TGM3: variants seen among roughly 807,000 people sequenced by gnomAD.
The protein encoded by TGM3 is transglutaminase 3, also known as protein-glutamine gamma-glutamyltransferase E.
TGM3 carries 52 observed loss-of-function variants against 73.8 expected under a neutral mutation model. That is an observed-to-expected ratio of 0.70 (90% CI 0.56 to 0.89). The LOEUF is 0.89. TGM3 is among the 40% of genes least tolerant of loss of function. The probability of loss-of-function intolerance (pLI) is 0.00; values close to 1 mark genes in which losing one functional copy is unlikely to be tolerated. For synonymous variants in TGM3, 372 were observed against 354.9 expected (o/e 1.05, Z -0.54); for missense variants, 928 against 909.9 (o/e 1.02, Z -0.26).
chr20:2,326,467 C>T (rs1398870396), intron 8 of TGM3, among the ~76,000 whole-genome samples: 3 of 152,232 alleles, frequency 2.0e-5, no homozygotes, highest in Non-Finnish European at 4.4e-5. Flanking sequence ...CCCAGGCTCT[C>T]CTGGAGCCTT....
intron 1 of TGM3, among the ~76,000 whole-genome samples, chr20:2,302,927 A>C (rs214786): frequency 2.6e-5 from 4 of 151,992 alleles, no homozygotes; most frequent in Admixed American, 2.0e-4. Context: ...ACATGACCGA[A>C]CCTTGAAAAC....
intron 3 of TGM3, 119 bp downstream of exon 3, chr20:2,310,536 A>G (rs1032802916): frequency 3.4e-6 from 5 of 1,475,568 alleles, no homozygotes; most frequent in African/African-American, 2.8e-5. Flanking sequence ...GGCTGTGGAA[A>G]GGGCGCAGAA....
chr20:2,340,040 G>GGGGGGGGGGGGGGGGGGGGGGGGGGGC, intron 12 of TGM3, 53 bp downstream of exon 12: 1 of 944,816 alleles, frequency 1.1e-6, no homozygotes, highest in Non-Finnish European at 1.6e-6. Flanking sequence ...GGGCGGGGGG[G>GGGGGGGGGGGGGGGGGGGGGGGGGGGC]CCCTCCAGAT....
chr20:2,316,018 T>A (rs1206293654), intron 5 of TGM3, among the ~76,000 whole-genome samples: 1 of 152,228 alleles, frequency 6.6e-6, no homozygotes, highest in African/African-American at 2.4e-5. Context: ...TCACAGATGA[T>A]TTGATAAATC....
Position 2,317,056 on chromosome 20 carries a change from G to C in TGM3, c.670-12G>C, listed in dbSNP as rs370527543. 3.1e-6 allele frequency: 5 copies of C among 1,612,200 alleles called. No homozygotes were observed. Among genetic ancestry groups the C allele is most frequent in the Non-Finnish European group, 4.2e-6 (5 of 1,178,974 alleles). ...AGTGCTGACTCATTTTGGGGGGGTG[G>C]TTTCTGCCCAGATCAATAGCAATGA... On this transcript the variant is annotated splice_polypyrimidine_tract_variant and intron_variant, in intron 5 of 12. Transcript: ENST00000381458.
At position 2,334,069 on chromosome 20, in the gene TGM3, G is replaced by A. The variant is rs1034254256; in HGVS notation, c.1643-1047G>A. Among the ~76,000 whole-genome samples the A allele has an allele frequency of 1.3e-5, 2 of 152,192 alleles. No homozygotes were observed. Among genetic ancestry groups the A allele is most frequent in the African/African-American group, 2.4e-5 (1 of 41,450 alleles). On this transcript the variant is annotated intron_variant, in intron 10 of 12. Transcript: ENST00000381458. The surrounding 1 kb of genome is among the most constrained non-coding windows in gnomAD (Gnocchi z 4.0). ...ACCCAGCATGACAGCCTGAGGGAAG[G>A]GAGCACCTAAGCCCATCAGGGTAGG...
intron 1 of TGM3, among the ~76,000 whole-genome samples, chr20:2,299,934 A>G (rs1470303145): frequency 6.6e-6 from 1 of 152,102 alleles, no homozygotes; most frequent in Non-Finnish European, 1.5e-5. Flanking sequence ...CTCATCTACT[A>G]AAAATACAAA....
chr20:2,301,531 G>GA (rs5839947), intron 1 of TGM3, among the ~76,000 whole-genome samples: 3,093 of 133,426 alleles, frequency 0.023, 96 homozygotes, highest in African/African-American at 0.076. Flanking sequence ...CAGCCATTAA[G>GA]AAAAAAAAAA....
chr20:2,306,472 CTT>C (rs33929365), intron 1 of TGM3, among the ~76,000 whole-genome samples: 10 of 129,586 alleles, frequency 7.7e-5, no homozygotes, highest in African/African-American at 1.7e-4. Context: ...CTTTTCCTTT[CTT>C]TTTTTTTTTT....
At chr20:2,308,170 C>A (rs186076668) in intron 1 of TGM3, among the ~76,000 whole-genome samples, 15 of 151,774 alleles carry the variant, frequency 9.9e-5, no homozygotes, top group Non-Finnish European at 1.9e-4. Context: ...TGCAGTGAGC[C>A]GAGATCACAC....
chr20:2,327,969 T>C, intron 8 of TGM3, 151 bp from the exon 9 acceptor site: 3 of 1,096,326 alleles, frequency 2.7e-6, no homozygotes, highest in East Asian at 4.9e-5. Flanking sequence ...CTCTGCAGAA[T>C]GCCAAATGAG....
chr20:2,307,739 C>T (rs2084182902), intron 1 of TGM3, among the ~76,000 whole-genome samples: 2 of 152,090 alleles, frequency 1.3e-5, no homozygotes, highest in South Asian at 2.1e-4. Flanking sequence ...TGAATAATAG[C>T]TGCTGTAATA....
chr20:2,333,875 G>A (rs963420993), intron 10 of TGM3, among the ~76,000 whole-genome samples: 1 of 152,234 alleles, frequency 6.6e-6, no homozygotes, highest in Non-Finnish European at 1.5e-5. Flanking sequence ...TCTGAACCTC[G>A]GAGGTCACTG....
Position 2,308,876 on chromosome 20 carries a change from G to GT in TGM3, c.8-779dup, listed in dbSNP as rs1284377989. ...GGGTGAGAGAGGTATCCTCCCTTCA[G>GT]TTCTTTTTTTTTTTTTTTGAGACAG... On this transcript the variant is annotated intron_variant, in intron 1 of 12. Coordinates refer to ENST00000381458, the MANE Select transcript of TGM3 (RefSeq NM_003245.4). Among the ~76,000 whole-genome samples the GT allele has an allele frequency of 4.9e-5, 3 of 61,424 alleles. No homozygotes were observed. In the Admixed American group the frequency reaches 8.1e-4, roughly 17 times the overall value. 40.3% of individuals were successfully genotyped at this position (61,424 alleles called of 152,430 possible).
chr20:2,330,997 C>A (rs1275893467), intron 9 of TGM3, among the ~76,000 whole-genome samples: 5 of 102,230 alleles, frequency 4.9e-5, no homozygotes, highest in African/African-American at 2.3e-4. Context: ...CAGAGTGAGA[C>A]CCTGTCACAA....
intron 1 of TGM3, among the ~76,000 whole-genome samples, chr20:2,298,388 TC>T (rs2084122667): frequency 6.6e-6 from 1 of 152,090 alleles, no homozygotes; most frequent in South Asian, 2.1e-4. Context: ...AGATTCCCCA[TC>T]CCCAAAGCCA....
Position 2,310,426 on chromosome 20 carries a change from C to T in TGM3, c.421+9C>T. 1.2e-6 allele frequency: 2 copies of T among 1,613,808 alleles called. No individual in the cohort carries two copies. The highest frequency in any genetic ancestry group is 1.7e-6 in the Non-Finnish European group (2 of 1,179,752). On this transcript the variant is annotated intron_variant, in intron 3 of 12. Transcript: ENST00000381458. ...TAACCCCTGGCTGAATGGTAGGTGT[C>T]TAGCCACCCACACTCTCAGCCCTGG...
intron 1 of TGM3, among the ~76,000 whole-genome samples, chr20:2,298,474 A>G (rs1362661663): frequency 1.3e-5 from 2 of 152,226 alleles, no homozygotes; most frequent in Non-Finnish European, 2.9e-5. Context: ...GCAAATGACC[A>G]GAACCTCTGT....
chr20:2,305,979 G>A (rs2084174699), intron 1 of TGM3, among the ~76,000 whole-genome samples: 1 of 152,200 alleles, frequency 6.6e-6, no homozygotes, highest in South Asian at 2.1e-4. Flanking sequence ...ACCTAGTGTG[G>A]CGTGCAAAAT....
Sources: allele counts gnomAD v4.1 joint callset (sites outside exome capture counted in the v4.1 genomes callset), GRCh38; gene constraint gnomAD v4.1.1; non-coding constraint Gnocchi (gnomAD v3.1); transcripts MANE v1.5; gene names NCBI Gene and HGNC (gene_info 2026-07-23, HGNC 2026-07-21).